The following VPS8 variants were observed in gnomAD, a reference collection of about 807,000 sequenced individuals.
VPS8 encodes the protein VPS8 subunit of CORVET complex, also known as vacuolar protein sorting-associated protein 8 homolog.
In VPS8, 129 loss-of-function variants were observed where a neutral mutation model predicts 216.4. The ratio of observed to expected loss-of-function variants is 0.60; its 90% CI spans 0.52 to 0.69. VPS8 has a LOEUF of 0.69. Ranked by LOEUF, VPS8 falls within the 30% of genes least tolerant of loss-of-function variation. The probability of loss-of-function intolerance (pLI) is 0.00; values close to 1 mark genes in which losing one functional copy is unlikely to be tolerated. For missense variants in VPS8, 1,531 were observed against 1,683.5 expected, an observed-to-expected ratio of 0.91 and a Z score of 1.59; for synonymous variants, 571 against 565.4, an observed-to-expected ratio of 1.01 and a Z score of -0.14.
intron 45 of VPS8, among the ~76,000 whole-genome samples, chr3:185,010,852 A>G (rs1754915882): frequency 6.6e-6 from 1 of 152,068 alleles, no homozygotes; most frequent in Non-Finnish European, 1.5e-5. Context: ...AATTTTTAAA[A>G]AATTAGCCAA....
intron 37 of VPS8, among the ~76,000 whole-genome samples, chr3:184,960,357 C>T (rs1187934331): frequency 6.6e-6 from 1 of 152,008 alleles, no homozygotes; most frequent in Non-Finnish European, 1.5e-5. Flanking sequence ...AGAAAAAAAG[C>T]GTCAAAATAA....
At chr3:184,988,031 G>C (rs909539485) in intron 42 of VPS8, among the ~76,000 whole-genome samples, 1 of 152,146 alleles carries the variant, frequency 6.6e-6, no homozygotes, top group African/African-American at 2.4e-5. Flanking sequence ...TTGTTGTTGG[G>C]TTTTAAGGAT....
chr3:185,023,424 G>A (rs1004844573), intron 45 of VPS8, among the ~76,000 whole-genome samples: 20 of 152,044 alleles, frequency 1.3e-4, no homozygotes, highest in African/African-American at 4.6e-4. Context: ...TTGGCTGGAC[G>A]CAGCTCATGC....
chr3:185,026,318 G>A (rs2110085213), intron 46 of VPS8, among the ~76,000 whole-genome samples: 1 of 152,130 alleles, frequency 6.6e-6, no homozygotes, highest in East Asian at 1.9e-4. Flanking sequence ...CAAATACCAT[G>A]CATTTTAAAG....
At chr3:184,859,655 C>T (rs1217795400) in intron 14 of VPS8, among the ~76,000 whole-genome samples, 1 of 152,168 alleles carries the variant, frequency 6.6e-6, no homozygotes, top group Non-Finnish European at 1.5e-5. Context: ...CACACCATGT[C>T]ACCTTTCCTT....
At chr3:184,989,277 T>C (rs1751548774) in intron 42 of VPS8, among the ~76,000 whole-genome samples, 1 of 152,228 alleles carries the variant, frequency 6.6e-6, no homozygotes, top group Non-Finnish European at 1.5e-5. Context: ...GTTTAGGAAG[T>C]GTCCCTTCCT....
rs1406795546 is a variant in VPS8 at position 185,000,437 on chromosome 3, A to G, written c.4002+576A>G. Among the ~76,000 whole-genome samples, 4 of 152,202 alleles carry G rather than the reference A, an allele frequency of 2.6e-5. No homozygotes were observed. The East Asian group carries it at 7.7e-4, about 29-fold the overall frequency. ...CAACATGAGGGGTTCAATGTGGAGA[A>G]GTTACTGGGACTGGGACTTGATCAT... On this transcript the variant is annotated intron_variant, in intron 45 of 47. Transcript: ENST00000625842.
chr3:184,941,784 T>G (rs1452561878), intron 36 of VPS8, among the ~76,000 whole-genome samples: 1 of 152,128 alleles, frequency 6.6e-6, no homozygotes, highest in Admixed American at 6.5e-5. Flanking sequence ...ATCAAGTCCT[T>G]TTCCTCTGCT....
At chr3:184,865,945 G>A (rs1727266577) in intron 16 of VPS8, among the ~76,000 whole-genome samples, 1 of 151,412 alleles carries the variant, frequency 6.6e-6, no homozygotes, top group Admixed American at 6.6e-5. Context: ...CCGAGATGGT[G>A]CCACTGGACT....
chr3:184,830,303 G>A (rs1431312928), intron 3 of VPS8, among the ~76,000 whole-genome samples: 2 of 152,062 alleles, frequency 1.3e-5, no homozygotes, highest in South Asian at 2.1e-4. Flanking sequence ...TACTTGCCTC[G>A]ATCTCACATT....
Position 184,894,810 on chromosome 3 carries a change from G to A in VPS8, c.1889G>A (p.Gly630Glu). Reference protein sequence around the residue: ...EPYILSDKLVGITPQVMKDLI... With the variant: ...EPYILSDKLVEITPQVMKDLI... ...TATATTTTAAGTGATAAATTGGTGG[G>A]AATCACACCCCAAGTAATGAAAGAC... is the stretch of plus-strand genomic sequence containing the variant. The change falls in exon 23 of 48, where the codon GGA (glycine) becomes GAA (glutamate). Residue 630 changes from glycine (G) to glutamate (E), a missense_variant. By Grantham distance (98) the Gly-to-Glu change is moderately conservative. Coordinates refer to ENST00000625842, the MANE Select transcript of VPS8 (RefSeq NM_001009921.3). 6.2e-7 allele frequency: 1 copy of A among 1,610,582 alleles called. No homozygotes were observed. The highest frequency in any genetic ancestry group is 1.1e-5 in the South Asian group (1 of 90,424).
chr3:184,849,152 A>T lies in VPS8; in HGVS notation c.623A>T (p.Asn208Ile). The T allele has an allele frequency of 6.2e-7, 1 of 1,613,694 alleles. No individual in the cohort carries two copies. The highest frequency in any genetic ancestry group is 8.5e-7 in the Non-Finnish European group (1 of 1,179,626). Residue 208 changes from asparagine to isoleucine, a missense_variant, in exon 9 of 48, where the codon AAC becomes ATC. By Grantham distance (149) the Asn-to-Ile change is moderately radical. This residue lies in a region of VPS8 where 1,318 missense variants were observed against 1,468.4 expected (regional missense o/e 0.90). Transcript: ENST00000625842. ...QYGAISALSI[N>I]NDCSRLLCGF... is the part of the protein sequence containing the mutation. ...GGCGCTATCTCTGCCCTCAGTATCA[A>T]CAATGATTGCTCAAGACTTCTTTGT...
At chr3:184,887,924 C>T (rs1208349262) in intron 22 of VPS8, among the ~76,000 whole-genome samples, 1 of 151,814 alleles carries the variant, frequency 6.6e-6, no homozygotes, top group Non-Finnish European at 1.5e-5. Context: ...AGTGTTTTAA[C>T]TCTAGTGTTA....
rs1749558463 is a variant in VPS8 at position 184,977,886 on chromosome 3, T to TC, written c.3421-4680_3421-4679insC. Among the ~76,000 whole-genome samples, 11 of 146,904 alleles carry TC rather than the reference T, an allele frequency of 7.5e-5. No homozygotes were observed. In the South Asian group the frequency reaches 2.4e-3, roughly 31 times the overall value. Reference sequence around the variant, plus strand: ...ATTAGCCTGATGTTTTCTTTTTTCTTTTTTTTTTTTTTTTATTGTGTCTCT... The same window carrying TC: ...ATTAGCCTGATGTTTTCTTTTTTCTTCTTTTTTTTTTTTTTATTGTGTCTCT... On this transcript the variant is annotated intron_variant, in intron 40 of 47. Coordinates refer to ENST00000625842, the MANE Select transcript of VPS8 (RefSeq NM_001009921.3).
At chr3:184,982,939 T>G in intron 41 of VPS8, 73 bp from the exon 42 acceptor site, 1 of 1,335,644 alleles carries the variant, frequency 7.5e-7, no homozygotes, top group East Asian at 2.6e-5. Context: ...GCACTGTTTT[T>G]CCACAGACTT....
intron 39 of VPS8, among the ~76,000 whole-genome samples, chr3:184,970,446 T>A (rs2109624245): frequency 6.6e-6 from 1 of 152,314 alleles, no homozygotes; most frequent in East Asian, 1.9e-4. Context: ...TGTGGAAAAT[T>A]ACAGAACTAT....
chr3:185,043,303 C>A (rs1417696141), intron 46 of VPS8, among the ~76,000 whole-genome samples: 1 of 152,190 alleles, frequency 6.6e-6, no homozygotes, highest in Non-Finnish European at 1.5e-5. Flanking sequence ...ATTTCTCCTT[C>A]ATTGGGCTAA....
rs1577180865 is a variant in VPS8 at position 185,019,110 on chromosome 3, T to C, written c.4003-5226T>C. The stretch of plus-strand genomic sequence containing the variant: ...TCATTAGAGTGAAAAGGTTCCAAGG[T>C]GGAACAAACCAGAGCCCACACTTGT... On this transcript the variant is annotated intron_variant, in intron 45 of 47. Coordinates refer to ENST00000625842, the MANE Select transcript of VPS8 (RefSeq NM_001009921.3). Among the ~76,000 whole-genome samples, 3 of 152,168 alleles carry C rather than the reference T, an allele frequency of 2.0e-5. 1 individual carries two copies. The highest frequency in any genetic ancestry group is 2.1e-4 in the South Asian group (1 of 4,830).
chr3:184,838,751 G>T lies in VPS8; in HGVS notation c.480+5G>T. 1 of 1,542,144 alleles carries T rather than the reference G, an allele frequency of 6.5e-7. No individual in the cohort carries two copies. The highest frequency in any genetic ancestry group is 8.7e-7 in the Non-Finnish European group (1 of 1,143,532). ...GCTGGCTTGCCTACAGCAATTGTAA[G>T]TATACTTTAACTTTTTAAAGGTAAG... is the stretch of plus-strand genomic sequence containing the variant. On this transcript the variant is annotated splice_donor_5th_base_variant and intron_variant, in intron 6 of 47. Coordinates refer to ENST00000625842, the MANE Select transcript of VPS8 (RefSeq NM_001009921.3).
Sources: gnomAD v4.1 joint callset for allele counts (sites outside exome capture counted in the v4.1 genomes callset) on GRCh38, gnomAD v4.1.1 for gene constraint, gnomAD v4.1.1 regional missense constraint, MANE v1.5 for transcripts, NCBI Gene and HGNC (gene_info 2026-07-23, HGNC 2026-07-21) for gene names.